DGKI: variants seen among roughly 807,000 people sequenced by gnomAD.
DGKI encodes the protein diacylglycerol kinase iota.
A neutral mutation model predicts 147.5 loss-of-function variants in DGKI; 55 were observed. That is an observed-to-expected ratio of 0.37 (90% CI 0.30 to 0.47). DGKI has a LOEUF of 0.47. DGKI is among the 20% of genes least tolerant of loss of function. The probability of loss-of-function intolerance (pLI) is 1.00; values close to 1 mark genes in which losing one functional copy is unlikely to be tolerated. For missense variants in DGKI, 1,007 were observed against 1,323.8 expected, an observed-to-expected ratio of 0.76 and a Z score of 3.71; for synonymous variants, 469 against 477.1, an observed-to-expected ratio of 0.98 and a Z score of 0.22.
chr7:137,474,963 A>T (rs1815119140), intron 23 of DGKI, among the ~76,000 whole-genome samples: 1 of 152,216 alleles, frequency 6.6e-6, no homozygotes, highest in African/African-American at 2.4e-5. Flanking sequence ...CTTTTGAGGA[A>T]TTAATGACAC....
intron 15 of DGKI, among the ~76,000 whole-genome samples, chr7:137,579,207 A>G (rs1224997741): frequency 6.6e-6 from 1 of 152,066 alleles, no homozygotes; most frequent in Non-Finnish European, 1.5e-5. Context: ...TTTTATGGCA[A>G]GTGATCCATG....
intron 1 of DGKI, among the ~76,000 whole-genome samples, chr7:137,706,510 A>ATTTTC (rs1444849339): frequency 1.4e-5 from 2 of 146,310 alleles, no homozygotes; most frequent in Non-Finnish European, 3.0e-5. Flanking sequence ...ATTTTATTTT[A>ATTTTC]TTTCATTTTA....
chr7:137,767,537 G>A (rs1361985410), intron 1 of DGKI, among the ~76,000 whole-genome samples: 1 of 133,078 alleles, frequency 7.5e-6, no homozygotes, highest in East Asian at 2.3e-4. Context: ...GAAGAGTAGA[G>A]TAGGAGGAAG....
At chr7:137,463,699 T>C in intron 26 of DGKI, 88 bp from the exon 27 acceptor site, 2 of 1,499,860 alleles carry the variant, frequency 1.3e-6, no homozygotes, top group Non-Finnish European at 1.8e-6. Context: ...ATCTTGCCAG[T>C]AAATGTGAGA....
intron 1 of DGKI, among the ~76,000 whole-genome samples, chr7:137,835,353 T>A (rs917285856): frequency 3.9e-5 from 6 of 152,116 alleles, no homozygotes; most frequent in Non-Finnish European, 5.9e-5. Context: ...TATACTGAAT[T>A]TTCTCCATAT....
At chr7:137,455,785 G>A (rs1227317598) in intron 27 of DGKI, among the ~76,000 whole-genome samples, 1 of 151,886 alleles carries the variant, frequency 6.6e-6, no homozygotes, top group East Asian at 1.9e-4. Context: ...TCCCATGCCC[G>A]ATATGACTCC....
At chr7:137,740,367 A>G (rs1039331801) in intron 1 of DGKI, among the ~76,000 whole-genome samples, 3 of 152,160 alleles carry the variant, frequency 2.0e-5, no homozygotes, top group Non-Finnish European at 2.9e-5. Context: ...AGGAATCTCT[A>G]CAGGGAGGAC....
intron 20 of DGKI, among the ~76,000 whole-genome samples, chr7:137,534,819 AACCCAT>A (rs1817463141): frequency 6.6e-6 from 1 of 152,146 alleles, no homozygotes; most frequent in South Asian, 2.1e-4. Flanking sequence ...TTGAAGTTCT[AACCCAT>A]AGCTCTTCAG....
chr7:137,473,896 G>A (rs1201548101), intron 23 of DGKI, among the ~76,000 whole-genome samples: 1 of 152,172 alleles, frequency 6.6e-6, no homozygotes, highest in African/African-American at 2.4e-5. Context: ...AAAGGCACAG[G>A]AATCTGATTT....
intron 1 of DGKI, among the ~76,000 whole-genome samples, chr7:137,700,920 A>C (rs1308316595): frequency 1.5e-5 from 2 of 134,078 alleles, no homozygotes; most frequent in East Asian, 4.4e-4. Context: ...TAAATAAATA[A>C]ATAAAATAAA....
intron 28 of DGKI, among the ~76,000 whole-genome samples, chr7:137,441,375 C>A (rs868619679): frequency 7.3e-6 from 1 of 136,270 alleles, no homozygotes; most frequent in Non-Finnish European, 1.5e-5. Flanking sequence ...GAGCCGAGAT[C>A]GTGCCACTGC....
intron 1 of DGKI, among the ~76,000 whole-genome samples, chr7:137,706,489 T>TATTTC (rs894440907): frequency 6.7e-6 from 1 of 148,382 alleles, no homozygotes; most frequent in Non-Finnish European, 1.5e-5. Context: ...TATTTTATTT[T>TATTTC]ATTTTATTTT....
At chr7:137,441,420 C>CAAAAAAAAAAAAAAAAAAAAA (rs538892825) in intron 28 of DGKI, among the ~76,000 whole-genome samples, 1 of 67,554 alleles carries the variant, frequency 1.5e-5, no homozygotes, top group Non-Finnish European at 3.0e-5. Context: ...GACTCCGTCT[C>CAAAAAAAAAAAAAAAAAAAAA]AAAAAAAAAA....
chr7:137,407,259 C>T (rs552272506), intron 30 of DGKI, among the ~76,000 whole-genome samples: 204 of 152,294 alleles, frequency 1.3e-3, no homozygotes, highest in African/African-American at 4.8e-3. Flanking sequence ...TTTTTAGAGG[C>T]AGATGCTATA....
At position 137,390,569 on chromosome 7, in the gene DGKI, C is replaced by T. The variant is rs1478289194; in HGVS notation, c.*651G>A. 6.5e-6 allele frequency: 1 copy of T among 152,946 alleles called. No homozygotes were observed. The allele number at this position is 152,946 out of a possible 1,614,324, so 9.5% of individuals were successfully genotyped here. ...ACCTCACCATTCCTCAGAGATATAG[C>T]ACACAAGTTGACATTATCCATGTGG... On this transcript the variant is annotated 3_prime_UTR_variant, in exon 33 of 33. Transcript: ENST00000614521.
At chr7:137,738,173 A>G (rs1026026045) in intron 1 of DGKI, among the ~76,000 whole-genome samples, 6 of 152,148 alleles carry the variant, frequency 3.9e-5, no homozygotes, top group Non-Finnish European at 8.8e-5. Flanking sequence ...AAATTAATGC[A>G]GTTAGCAGGA....
chr7:137,559,306 C>G (rs1042288967), intron 19 of DGKI, among the ~76,000 whole-genome samples: 1 of 150,334 alleles, frequency 6.7e-6, no homozygotes, highest in Non-Finnish European at 1.5e-5. Context: ...CTCCTGACCT[C>G]GTGATCTGCC....
intron 28 of DGKI, among the ~76,000 whole-genome samples, chr7:137,434,844 G>GT (rs1813221757): frequency 1.3e-5 from 2 of 152,128 alleles, no homozygotes; most frequent in South Asian, 2.1e-4. Context: ...GTTTTGTTCT[G>GT]TTTTTTAATC....
chr7:137,443,403 C>A (rs1813589520), intron 28 of DGKI, among the ~76,000 whole-genome samples: 1 of 152,050 alleles, frequency 6.6e-6, no homozygotes, highest in South Asian at 2.1e-4. Flanking sequence ...AAAGGGGCCC[C>A]AAACCAAAGT....
Sources: allele counts gnomAD v4.1 joint callset (sites outside exome capture counted in the v4.1 genomes callset), GRCh38; gene constraint gnomAD v4.1.1; transcripts MANE v1.5; gene names NCBI Gene and HGNC (gene_info 2026-07-23, HGNC 2026-07-21).